Variants in NPY1R observed in about 807,000 individuals in gnomAD.
NPY1R encodes the protein neuropeptide Y receptor type 1.
Under a neutral mutation model 24.1 loss-of-function variants are expected in NPY1R, and 10 were observed. The observed-to-expected ratio is 0.42, with a 90% CI of 0.26 to 0.71. The LOEUF (loss-of-function observed/expected upper bound fraction) is 0.71. Ranked by LOEUF, NPY1R falls within the 30% of genes least tolerant of loss-of-function variation. The probability of loss-of-function intolerance (pLI) is 0.28; values close to 1 mark genes in which losing one functional copy is unlikely to be tolerated. For missense variants in NPY1R, 350 were observed against 458.0 expected (o/e 0.76, Z 2.15); for synonymous variants, 168 against 165.9 (o/e 1.01, Z -0.10).
chr4:163,341,318 C>A (rs147347349), intron 1 of NPY1R, among the ~76,000 whole-genome samples: 2 of 151,992 alleles, frequency 1.3e-5, no homozygotes, highest in African/African-American at 4.8e-5. Context: ...AGGAATACAA[C>A]GAAATTCTCA....
rs181222308 is a variant in NPY1R, at chr4:163,326,006, C to A, written c.549G>T (p.Pro183=). The A allele has an allele frequency of 9.3e-6, 15 of 1,613,860 alleles. No individual in the cohort carries two copies. Among genetic ancestry groups the A allele is most frequent in the Middle Eastern group, 3.3e-4 (2 of 6,084 alleles). ...ACGCATCAAGTGTTACATTTTGGAA[C>A]GGCTCATCAGTCATTACTTGGTAGA... is the stretch of plus-strand genomic sequence containing the variant. ...FLIYQVMTDE[P]FQNVTLDAYK... is the part of the protein sequence containing the mutation. The change falls in exon 2 of 3, where the codon CCG becomes CCT. Residue 183 remains proline (P), a synonymous_variant. Coordinates refer to ENST00000296533, the MANE Select transcript of NPY1R (RefSeq NM_000909.6).
chr4:163,343,307 A>G (rs938104944), intron 1 of NPY1R, among the ~76,000 whole-genome samples: 1 of 151,498 alleles, frequency 6.6e-6, no homozygotes, highest in Admixed American at 6.6e-5. Context: ...CCACACCCAC[A>G]GCTGCCACTC....
upstream of NPY1R, among the ~76,000 whole-genome samples, chr4:163,335,153 G>A (rs189568324): frequency 6.6e-6 from 1 of 152,042 alleles, no homozygotes; most frequent in African/African-American, 2.4e-5. Context: ...TCCTATCTGG[G>A]ATTCAAACTA....
chr4:163,339,023 T>C (rs1429916991), intron 1 of NPY1R, among the ~76,000 whole-genome samples: 2 of 152,204 alleles, frequency 1.3e-5, no homozygotes, highest in Non-Finnish European at 2.9e-5. Flanking sequence ...TTCTAAATGG[T>C]CTAAATCCAT....
rs765985154 is a variant in NPY1R, at chr4:163,326,336, A to G, written c.219T>C (p.Asn73=). Residue 73 remains asparagine (N), a synonymous_variant, in exon 2 of 3, where the codon AAT becomes AAC. Transcript: ENST00000296533. ...GGTTCACAATCAGGATGTTGGTAAC[A>G]TTTCTCATCTCCTTTTGTTTCAAGA... The part of the protein sequence containing the change: ...IIILKQKEMR[N]VTNILIVNLS... 3.7e-6 allele frequency: 6 copies of G among 1,613,928 alleles called. No individual in the cohort carries two copies. In the South Asian group the frequency reaches 5.5e-5, roughly 15 times the overall value.
chr4:163,329,737 T>C (rs370339740), intron 1 of NPY1R, among the ~76,000 whole-genome samples: 1 of 152,094 alleles, frequency 6.6e-6, no homozygotes, highest in Non-Finnish European at 1.5e-5. Context: ...AGGGAAGCTA[T>C]GCAAGTATCT....
rs755871264 is a variant in NPY1R, at chr4:163,325,673, T to C, written c.785A>G (p.Asn262Ser). Residue 262 changes from asparagine to serine, a missense_variant, in exon 3 of 3, where the codon AAT (asparagine) becomes AGT (serine). Coordinates refer to ENST00000296533, the MANE Select transcript of NPY1R (RefSeq NM_000909.6). ...TACCACAATGGAGAGCAGCATGATA[T>C]TGATTCTTTTGGTTTCACTGGACCT... is the stretch of plus-strand genomic sequence containing the variant. ...KYRSSETKRI[N>S]IMLLSIVVAF... is the part of the protein sequence containing the mutation. 8.7e-6 allele frequency: 14 copies of C among 1,605,806 alleles called. 1 individual carries two copies. The South Asian group carries it at 1.5e-4, about 18-fold the overall frequency.
At chr4:163,342,288 A>G (rs1390114776) in intron 1 of NPY1R, among the ~76,000 whole-genome samples, 4 of 152,230 alleles carry the variant, frequency 2.6e-5, no homozygotes, top group African/African-American at 9.6e-5. Flanking sequence ...GAAAGTCACA[A>G]TGGGGTTCAC....
Position 163,325,971 on chromosome 4 carries a change from T to C in NPY1R, c.584A>G (p.Lys195Arg). 4 of 1,614,060 alleles carry C rather than the reference T, an allele frequency of 2.5e-6. No individual in the cohort carries two copies. The highest frequency in any genetic ancestry group is 3.4e-6 in the Non-Finnish European group (4 of 1,179,962). Reference sequence around the variant, plus strand: ...TGGAAATTGATCAAAGCACACGTATTTGTCTTTGTACGCATCAAGTGTTAC... The same window carrying C: ...TGGAAATTGATCAAAGCACACGTATCTGTCTTTGTACGCATCAAGTGTTAC... ...QNVTLDAYKD[K>R]YVCFDQFPSD... The change falls in exon 2 of 3, where the codon AAA (lysine) becomes AGA (arginine). Residue 195 changes from lysine to arginine, a missense_variant. By Grantham distance (26) the Lys-to-Arg change is conservative. Transcript: ENST00000296533.
Position 163,326,396 on chromosome 4 carries a change from A to T in NPY1R, c.159T>A (p.Leu53=), listed in dbSNP as rs754956022. The T allele has an allele frequency of 2.5e-6, 4 of 1,614,160 alleles. No individual in the cohort carries two copies. Among genetic ancestry groups the T allele is most frequent in the Non-Finnish European group, 3.4e-6 (4 of 1,179,962 alleles). The part of the protein sequence containing the change: ...LALAYGAVII[L]GVSGNLALII... ...TCAAGGCCAGGTTTCCAGAGACACC[A>T]AGAATGATCACAGCTCCATAAGCAA... The change falls in exon 2 of 3, where the codon CTT becomes CTA. Residue 53 remains leucine (L), a synonymous_variant. Coordinates refer to ENST00000296533, the MANE Select transcript of NPY1R (RefSeq NM_000909.6).
chr4:163,343,194 G>C (rs13121582), intron 1 of NPY1R, among the ~76,000 whole-genome samples: 1 of 149,348 alleles, frequency 6.7e-6, no homozygotes, highest in African/African-American at 2.5e-5. Context: ...TTTTTAACCT[G>C]TGACAATTCG....
At chr4:163,328,145 G>A (rs546133160) in intron 1 of NPY1R, among the ~76,000 whole-genome samples, 1 of 151,142 alleles carries the variant, frequency 6.6e-6, no homozygotes, top group Non-Finnish European at 1.5e-5. Flanking sequence ...GAAGAATAAA[G>A]TAAGAGTTGC....
At chr4:163,340,920 G>A (rs1734964850) in intron 1 of NPY1R, among the ~76,000 whole-genome samples, 1 of 151,812 alleles carries the variant, frequency 6.6e-6, no homozygotes, top group Non-Finnish European at 1.5e-5. Context: ...TAATCATTAG[G>A]GCATCAAAAG....
chr4:163,343,375 G>A (rs1472071092), intron 1 of NPY1R, among the ~76,000 whole-genome samples: 1 of 151,888 alleles, frequency 6.6e-6, no homozygotes, highest in Non-Finnish European at 1.5e-5. Flanking sequence ...AGACGCTGTT[G>A]CCTCTCCTGA....
At chr4:163,331,441 C>T (rs1392562573) in intron 1 of NPY1R, among the ~76,000 whole-genome samples, 1 of 152,046 alleles carries the variant, frequency 6.6e-6, no homozygotes, top group Admixed American at 6.6e-5. Context: ...TTTCATATTG[C>T]GTAACTAGGT....
chr4:163,337,905 C>T (rs1244569268), upstream of NPY1R, among the ~76,000 whole-genome samples: 1 of 152,102 alleles, frequency 6.6e-6, no homozygotes, highest in Non-Finnish European at 1.5e-5. Flanking sequence ...CAAATATGAC[C>T]CACCTGAAAC....
At chr4:163,343,023 C>T (rs1255844587) in intron 1 of NPY1R, among the ~76,000 whole-genome samples, 1 of 133,380 alleles carries the variant, frequency 7.5e-6, no homozygotes, top group Non-Finnish European at 1.7e-5. Context: ...CACACACGCG[C>T]GCGCGCCTAA....
chr4:163,330,091 A>G (rs1448982589), intron 1 of NPY1R, among the ~76,000 whole-genome samples: 1 of 152,196 alleles, frequency 6.6e-6, no homozygotes, highest in African/African-American at 2.4e-5. Context: ...TTGGCGAGAA[A>G]TAATAGGGAC....
At chr4:163,328,120 G>A (rs1271247921) in intron 1 of NPY1R, among the ~76,000 whole-genome samples, 1 of 150,838 alleles carries the variant, frequency 6.6e-6, no homozygotes, top group Non-Finnish European at 1.5e-5. Context: ...CCATGATTTG[G>A]CCTTAAAAAC....
Sources: gnomAD v4.1 joint callset for allele counts (sites outside exome capture counted in the v4.1 genomes callset) on GRCh38, gnomAD v4.1.1 for gene constraint, MANE v1.5 for transcripts, NCBI Gene and HGNC (gene_info 2026-07-23, HGNC 2026-07-21) for gene names.